SYN3: variants seen among roughly 807,000 people sequenced by gnomAD.
SYN3 encodes the protein synapsin-3.
In SYN3, 35 loss-of-function variants were observed where a neutral mutation model predicts 65.8. That is an observed-to-expected ratio of 0.53 (90% CI 0.41 to 0.70). The LOEUF (loss-of-function observed/expected upper bound fraction) is 0.70, where lower values mean the gene tolerates loss of function less well. SYN3 is among the 30% of genes least tolerant of loss of function. The pLI, the probability that SYN3 is intolerant of heterozygous loss-of-function variation, is 0.00. For synonymous variants in SYN3, 270 were observed against 292.9 expected (o/e 0.92, Z 0.80); for missense variants, 680 against 749.0 (o/e 0.91, Z 1.08).
intron 4 of SYN3, among the ~76,000 whole-genome samples, chr22:32,913,192 G>A (rs866909483): frequency 3.4e-5 from 5 of 149,222 alleles, no homozygotes; most frequent in Middle Eastern, 3.4e-3. Flanking sequence ...ATGGAGTCTC[G>A]CTCTGTCGCC....
At chr22:32,707,191 T>C (rs1405838670) in intron 6 of SYN3, among the ~76,000 whole-genome samples, 1 of 152,174 alleles carries the variant, frequency 6.6e-6, no homozygotes, top group Non-Finnish European at 1.5e-5. Context: ...GCATAAAGAC[T>C]CTCAGTCCCA....
At chr22:32,690,940 G>T (rs2060653649) in intron 6 of SYN3, among the ~76,000 whole-genome samples, 1 of 152,170 alleles carries the variant, frequency 6.6e-6, no homozygotes, top group Non-Finnish European at 1.5e-5. Context: ...GGAAAGAGGA[G>T]GTGGCAGTGA....
intron 6 of SYN3, among the ~76,000 whole-genome samples, chr22:32,737,008 G>A (rs766336400): frequency 6.6e-6 from 1 of 152,168 alleles, no homozygotes; most frequent in African/African-American, 2.4e-5. Flanking sequence ...CAAAACACCA[G>A]CCACAGAAAA....
intron 3 of SYN3, among the ~76,000 whole-genome samples, chr22:32,935,285 TTCTCTC>T (rs34290935): frequency 2.1e-5 from 3 of 144,788 alleles, no homozygotes; most frequent in Non-Finnish European, 3.0e-5. Flanking sequence ...CTCTCTCTCT[TTCTCTC>T]TCTCTCTCTC....
At chr22:32,852,184 A>T (rs1235565670) in intron 6 of SYN3, among the ~76,000 whole-genome samples, 1 of 152,240 alleles carries the variant, frequency 6.6e-6, no homozygotes, top group Admixed American at 6.5e-5. Context: ...GGGAGGTCAT[A>T]TAACTGTTAA....
intron 6 of SYN3, among the ~76,000 whole-genome samples, chr22:32,688,972 C>A (rs2060628391): frequency 6.6e-6 from 1 of 152,152 alleles, no homozygotes; most frequent in African/African-American, 2.4e-5. Context: ...ACCTAAGACC[C>A]CAAGCCTCAA....
chr22:32,910,646 C>T (rs9621593), intron 4 of SYN3, among the ~76,000 whole-genome samples: 2 of 149,610 alleles, frequency 1.3e-5, no homozygotes, highest in Non-Finnish European at 3.0e-5. Context: ...TTGGTGCAAA[C>T]GTAATTGCGC....
intron 4 of SYN3, among the ~76,000 whole-genome samples, chr22:32,916,364 A>G (rs2050185861): frequency 6.6e-6 from 1 of 152,236 alleles, no homozygotes; most frequent in South Asian, 2.1e-4. Flanking sequence ...CCACAAAAAA[A>G]CTTTATACAA....
At chr22:32,831,976 G>A (rs985605764) in intron 6 of SYN3, among the ~76,000 whole-genome samples, 2 of 152,176 alleles carry the variant, frequency 1.3e-5, no homozygotes, top group African/African-American at 4.8e-5. Context: ...GGCGTGGCAG[G>A]CTGTCGGCAT....
At chr22:32,553,951 G>A (rs989329510) in intron 7 of SYN3, among the ~76,000 whole-genome samples, 6 of 152,160 alleles carry the variant, frequency 3.9e-5, no homozygotes, top group Non-Finnish European at 1.5e-5. Context: ...GCAGCTGAAG[G>A]AGAGACATTG....
At chr22:32,903,684 G>T (rs754976552) in intron 4 of SYN3, among the ~76,000 whole-genome samples, 5 of 152,244 alleles carry the variant, frequency 3.3e-5, no homozygotes, top group Non-Finnish European at 7.3e-5. Context: ...CAGCCTTCCA[G>T]GTACCCAAGA....
intron 2 of SYN3, among the ~76,000 whole-genome samples, chr22:32,992,640 C>T (rs575624223): frequency 6.6e-6 from 1 of 152,230 alleles, no homozygotes; most frequent in South Asian, 2.1e-4. Context: ...TAGTGGAACC[C>T]CGTCCCTACT....
chr22:32,568,395 A>G (rs1569046499), intron 7 of SYN3, among the ~76,000 whole-genome samples: 1 of 152,262 alleles, frequency 6.6e-6, no homozygotes, highest in Non-Finnish European at 1.5e-5. Context: ...TAAATAAGAC[A>G]GGTATATTCT....
rs146723586 is a variant in SYN3, at chr22:32,647,128, A to G, written c.712-50392T>C. Among the ~76,000 whole-genome samples the G allele has an allele frequency of 2.7e-3, 418 of 152,238 alleles. 2 individuals are homozygous for G. Among genetic ancestry groups the G allele is most frequent in the African/African-American group, 9.3e-3 (388 of 41,526 alleles). On this transcript the variant is annotated intron_variant, in intron 6 of 13. Transcript: ENST00000358763. Reference sequence around the variant, plus strand: ...TCTGGGTTTTACCTCTCCTACTTATATTCTATGTCATGAGAAAACTGGCCT... The same window carrying G: ...TCTGGGTTTTACCTCTCCTACTTATGTTCTATGTCATGAGAAAACTGGCCT...
At chr22:33,024,581 T>C (rs57471319) in intron 1 of SYN3, among the ~76,000 whole-genome samples, 2 of 152,376 alleles carry the variant, frequency 1.3e-5, no homozygotes, top group East Asian at 3.9e-4. Context: ...AAATTTCTTT[T>C]TGGCATGTAC....
rs146697697 is a variant in SYN3, at chr22:32,785,255, C to T, written c.711+79660G>A. Among the ~76,000 whole-genome samples the T allele has an allele frequency of 3.0e-3, 452 of 152,262 alleles. 2 individuals are homozygous for T. The highest frequency in any genetic ancestry group is 4.9e-3 in the Admixed American group (75 of 15,290). ...CTAAGTGATAGAGCCAGAGTTAGAA[C>T]GTCTTTGACACTTGGCCCAGGGCTC... On this transcript the variant is annotated intron_variant, in intron 6 of 13. Transcript: ENST00000358763.
At chr22:33,038,484 G>A (rs2053900534) in intron 1 of SYN3, among the ~76,000 whole-genome samples, 2 of 152,140 alleles carry the variant, frequency 1.3e-5, no homozygotes, top group South Asian at 2.1e-4. Flanking sequence ...TGTGAGCTCC[G>A]ATTGAGCAAT....
At chr22:32,615,210 G>A (rs1185942952) in intron 6 of SYN3, among the ~76,000 whole-genome samples, 1 of 152,038 alleles carries the variant, frequency 6.6e-6, no homozygotes, top group African/African-American at 2.4e-5. Flanking sequence ...TGAGGTGGGT[G>A]GATCACCTGA....
At chr22:33,036,251 C>A (rs2053857883) in intron 1 of SYN3, among the ~76,000 whole-genome samples, 1 of 152,182 alleles carries the variant, frequency 6.6e-6, no homozygotes, top group Admixed American at 6.5e-5. Flanking sequence ...CTGAAGCTGC[C>A]TTCATAAACC....
Sources: gnomAD v4.1 joint callset for allele counts (sites outside exome capture counted in the v4.1 genomes callset) on GRCh38, gnomAD v4.1.1 for gene constraint, MANE v1.5 for transcripts, NCBI Gene and HGNC (gene_info 2026-07-23, HGNC 2026-07-21) for gene names.